SHKBP1: variants seen among roughly 807,000 people sequenced by gnomAD.
The protein encoded by SHKBP1 is SH3KBP1 binding protein 1, also known as SH3KBP1-binding protein 1.
Under a neutral mutation model 83.9 loss-of-function variants are expected in SHKBP1, and 71 were observed. The ratio of observed to expected loss-of-function variants is 0.85; its 90% CI spans 0.70 to 1.03. SHKBP1 has a LOEUF of 1.03. Among genes scored for constraint, SHKBP1 ranks in the 50% least tolerant of loss-of-function variants. SHKBP1 has a pLI of 0.00. For missense variants in SHKBP1, 824 were observed against 982.4 expected, an observed-to-expected ratio of 0.84 and a Z score of 2.16; for synonymous variants, 371 against 398.0, an observed-to-expected ratio of 0.93 and a Z score of 0.81.
chr19:40,589,669 A>G (rs1245523618), intron 15 of SHKBP1, among the ~76,000 whole-genome samples: 1 of 151,878 alleles, frequency 6.6e-6, no homozygotes, highest in Non-Finnish European at 1.5e-5. Context: ...GACTCTGAGC[A>G]GAGACCTAGA....
In SHKBP1 at chr19:40,577,060, G is replaced by A. The variant is rs190938525; in HGVS notation, c.86+75G>A. On this transcript the variant is annotated intron_variant, in intron 1 of 17. Transcript: ENST00000291842. Reference sequence around the variant, plus strand: ...GTGGGAGTATCCGCCTCTCCTGGGGGAATCCCTGTCCATCAAGGGTTGCTC... The same window carrying A: ...GTGGGAGTATCCGCCTCTCCTGGGGAAATCCCTGTCCATCAAGGGTTGCTC... The A allele has an allele frequency of 1.0e-3, 1,310 of 1,300,172 alleles. 8 individuals are homozygous for A. The African/African-American group carries it at 0.015, about 14-fold the overall frequency. 80.5% of individuals were successfully genotyped at this position (1,300,172 alleles called of 1,614,324 possible). A position where few individuals can be genotyped will look rare whatever the true frequency, so the allele number is the denominator to read the frequency against.
chr19:40,586,972 TG>T (rs1568393157), intron 13 of SHKBP1, 28 bp downstream of exon 13: 2 of 1,562,630 alleles, frequency 1.3e-6, no homozygotes, highest in Non-Finnish European at 1.7e-6. Flanking sequence ...GCTCCAGTGC[TG>T]GGAGAGACAG....
rs1279524972 is a variant in SHKBP1, at chr19:40,582,333, CCT to C, written c.845-17_845-16del. 9 of 1,607,128 alleles carry C rather than the reference CCT, an allele frequency of 5.6e-6. No homozygotes were observed. The highest frequency in any genetic ancestry group is 1.7e-5 in the Admixed American group (1 of 59,964). On this transcript the variant is annotated splice_polypyrimidine_tract_variant and intron_variant, in intron 9 of 17. Coordinates refer to ENST00000291842, the MANE Select transcript of SHKBP1 (RefSeq NM_138392.4). Reference sequence around the variant, plus strand: ...CCATGAGGCAGGGTTCCAGCTGAGCCCTTTTTGCCCACTGCAGGGGTCTTTCA... The same window carrying C: ...CCATGAGGCAGGGTTCCAGCTGAGCCTTTTGCCCACTGCAGGGGTCTTTCA...
chr19:40,577,189 G>T, intron 1 of SHKBP1, 42 bp from the exon 2 acceptor site: 3 of 1,606,734 alleles, frequency 1.9e-6, no homozygotes, highest in East Asian at 2.2e-5. Context: ...TTCCTCACCC[G>T]CTCCTCTTCA....
chr19:40,582,519 A>G, intron 10 of SHKBP1, 53 bp downstream of exon 10: 1 of 1,492,840 alleles, frequency 6.7e-7, no homozygotes, highest in South Asian at 1.1e-5. Flanking sequence ...CAGACTGTAC[A>G]GACCCAGGAA....
At chr19:40,586,219 A>C (rs1351082172) in intron 12 of SHKBP1, among the ~76,000 whole-genome samples, 1 of 151,676 alleles carries the variant, frequency 6.6e-6, no homozygotes. Context: ...TCACTGTTAC[A>C]ATTTCTGTCT....
chr19:40,584,697 C>G lies in SHKBP1; in HGVS notation c.1165+980C>G, dbSNP rs147237493. Reference sequence around the variant, plus strand: ...AGTGCAGTGGCATGATCTCAGCTCACTGCAATCTCTGCCTCTTGGGTTCAA... The same window carrying G: ...AGTGCAGTGGCATGATCTCAGCTCAGTGCAATCTCTGCCTCTTGGGTTCAA... On this transcript the variant is annotated intron_variant, in intron 12 of 17. Transcript: ENST00000291842. 4.4e-3 allele frequency among the ~76,000 whole-genome samples: 666 copies of G among 152,272 alleles called. 7 individuals are homozygous for G. The highest frequency in any genetic ancestry group is 0.015 in the African/African-American group (634 of 41,542).
At chr19:40,587,877 C>G (rs2081324752) in intron 13 of SHKBP1, among the ~76,000 whole-genome samples, 2 of 152,114 alleles carry the variant, frequency 1.3e-5, no homozygotes, top group Admixed American at 1.3e-4. Context: ...GCACTCCAGC[C>G]CAGGCAACAA....
At chr19:40,583,252 CA>C in intron 10 of SHKBP1, 145 bp from the exon 11 acceptor site, 1 of 628,440 alleles carries the variant, frequency 1.6e-6, no homozygotes. Flanking sequence ...AAGACAGGGA[CA>C]AAGGCAGGCC....
intron 12 of SHKBP1, among the ~76,000 whole-genome samples, chr19:40,584,798 CTTTA>C (rs1436292822): frequency 6.6e-6 from 1 of 152,108 alleles, no homozygotes; most frequent in Non-Finnish European, 1.5e-5. Context: ...AATTTTTCTA[CTTTA>C]AGTAGAGACT....
Position 40,580,831 on chromosome 19 carries a change from G to T in SHKBP1, c.739G>T (p.Val247Leu). Reference protein sequence around the residue: ...PIERLALTARVHGGALGEHDK... With the variant: ...PIERLALTARLHGGALGEHDK... ...CGAACGACTGGCGCTCACAGCCCGG[G>T]TGCATGGTGGGGCTTTGGGTGAACA... is the stretch of plus-strand genomic sequence containing the variant. The change falls in exon 9 of 18, where the codon GTG (valine) becomes TTG (leucine). Residue 247 changes from valine (V) to leucine (L), a missense_variant. Val to Leu is a conservative substitution (Grantham distance 32, BLOSUM62 1). Around this residue, in one of 3 missense-constraint regions of SHKBP1, gnomAD observed 355 missense variants for 386.4 expected, o/e 0.92. Coordinates refer to ENST00000291842, the MANE Select transcript of SHKBP1 (RefSeq NM_138392.4). The T allele has an allele frequency of 6.2e-7, 1 of 1,613,630 alleles. No homozygotes were observed. The highest frequency in any genetic ancestry group is 1.1e-5 in the South Asian group (1 of 91,000).
rs146085841 is a variant in SHKBP1, at chr19:40,578,465, G to A, written c.323G>A (p.Arg108His). 16 of 1,613,998 alleles carry A rather than the reference G, an allele frequency of 9.9e-6. No individual in the cohort carries two copies. The highest frequency in any genetic ancestry group is 1.6e-4 in the Middle Eastern group (1 of 6,078). The change falls in exon 6 of 18, where the codon CGT becomes CAT. Residue 108 changes from arginine (R) to histidine (H), a missense_variant. Physicochemically the swap from Arg to His is conservative, Grantham distance 29 (BLOSUM62 0). This residue lies in a region of SHKBP1 where 355 missense variants were observed against 386.4 expected (regional missense o/e 0.92). Coordinates refer to ENST00000291842, the MANE Select transcript of SHKBP1 (RefSeq NM_138392.4). The part of the protein sequence containing the change: ...AQFYGLTPLV[R>H]RLQLREELDR... ...CCTTTAAGTCCTCCTGTTGCAGTTC[G>A]TCGCCTGCAGCTTCGAGAGGAGTTG...
At chr19:40,585,007 TCTC>T (rs1343459008) in intron 12 of SHKBP1, among the ~76,000 whole-genome samples, 1 of 152,190 alleles carries the variant, frequency 6.6e-6, no homozygotes, top group Non-Finnish European at 1.5e-5. Flanking sequence ...ACAAAGATCT[TCTC>T]CTGAATTTCT....
chr19:40,586,371 CTT>C (rs918733661), intron 12 of SHKBP1, among the ~76,000 whole-genome samples: 17 of 140,240 alleles, frequency 1.2e-4, no homozygotes, highest in Admixed American at 3.6e-4. Context: ...TTCTTTCTTT[CTT>C]TTTTTTTTTT....
intron 10 of SHKBP1, among the ~76,000 whole-genome samples, chr19:40,582,964 G>C (rs1188755595): frequency 1.3e-5 from 2 of 152,098 alleles, no homozygotes; most frequent in African/African-American, 4.8e-5. Flanking sequence ...CACTGTGGCA[G>C]ATGGGGGAAC....
At chr19:40,578,057 C>T (rs2145975480) in intron 4 of SHKBP1, 97 bp from the exon 5 acceptor site, 3 of 1,003,600 alleles carry the variant, frequency 3.0e-6, no homozygotes, top group Non-Finnish European at 4.7e-6. Flanking sequence ...CTTTCTACCC[C>T]TTGACATTCT....
intron 10 of SHKBP1, 177 bp downstream of exon 10, chr19:40,582,643 G>A: frequency 3.4e-6 from 2 of 589,090 alleles, no homozygotes. Flanking sequence ...CACCAGGGAA[G>A]CCTTCCTGGA....
chr19:40,586,035 G>A lies in SHKBP1; in HGVS notation c.1166-739G>A, dbSNP rs182832270. 4.3e-4 allele frequency among the ~76,000 whole-genome samples: 66 copies of A among 152,082 alleles called. 1 individual carries two copies. The highest frequency in any genetic ancestry group is 1.5e-3 in the African/African-American group (64 of 41,498). Reference sequence around the variant, plus strand: ...TCCTCCTACTTCAGCCTCTTGAGTAGCTGGGATCATAGGTGAATGCCATCA... The same window carrying A: ...TCCTCCTACTTCAGCCTCTTGAGTAACTGGGATCATAGGTGAATGCCATCA... On this transcript the variant is annotated intron_variant, in intron 12 of 17. Transcript: ENST00000291842.
intron 12 of SHKBP1, 127 bp downstream of exon 12, chr19:40,583,844 C>T: frequency 1.4e-6 from 1 of 722,050 alleles, no homozygotes; most frequent in Admixed American, 2.3e-5. Flanking sequence ...TCAACTCTCT[C>T]TCATTTTTTT....
Sources: gnomAD v4.1 joint callset for allele counts (sites outside exome capture counted in the v4.1 genomes callset) on GRCh38, gnomAD v4.1.1 for gene constraint, gnomAD v4.1.1 regional missense constraint, MANE v1.5 for transcripts, NCBI Gene and HGNC (gene_info 2026-07-23, HGNC 2026-07-21) for gene names.